CALD1: variants seen among roughly 807,000 people sequenced by gnomAD.
CALD1 encodes the protein caldesmon 1.
A neutral mutation model predicts 99.9 loss-of-function variants in CALD1; 33 were observed. The ratio of observed to expected loss-of-function variants is 0.33; its 90% CI spans 0.25 to 0.44. The LOEUF (loss-of-function observed/expected upper bound fraction) is 0.44, where lower values mean the gene tolerates loss of function less well. CALD1 is among the 20% of genes least tolerant of loss of function. CALD1 has a pLI of 1.00. For missense variants in CALD1, 861 were observed against 962.1 expected (o/e 0.89, Z 1.39); for synonymous variants, 310 against 325.0 (o/e 0.95, Z 0.50).
At chr7:134,724,061 G>T in the CALD1 span, among the ~76,000 whole-genome samples, 1 of 152,208 alleles carries the variant, frequency 6.6e-6, no homozygotes, top group Non-Finnish European at 1.5e-5. Flanking sequence ...TTGCTATGCG[G>T]CAGCAGGAGA....
chr7:134,925,234 G>A (rs1720244106), intron 3 of CALD1, among the ~76,000 whole-genome samples: 1 of 152,076 alleles, frequency 6.6e-6, no homozygotes. Flanking sequence ...AGAAATCAAA[G>A]ATGAAGAGAG....
At chr7:134,757,022 G>GT (rs1186789813) in intron 1 of CALD1, among the ~76,000 whole-genome samples, 3 of 151,874 alleles carry the variant, frequency 2.0e-5, no homozygotes, top group Non-Finnish European at 1.5e-5. Flanking sequence ...TGCTCTTGCT[G>GT]TTTTAAGGCA....
chr7:134,823,115 C>T (rs539787828), intron 1 of CALD1, among the ~76,000 whole-genome samples: 1 of 152,248 alleles, frequency 6.6e-6, no homozygotes, highest in Admixed American at 6.5e-5. Flanking sequence ...ATGTATGCCT[C>T]TATATGTACG....
At chr7:134,751,282 G>A (rs1796683626) in intron 1 of CALD1, among the ~76,000 whole-genome samples, 1 of 152,164 alleles carries the variant, frequency 6.6e-6, no homozygotes, top group Admixed American at 6.5e-5. Flanking sequence ...CTCAATCAAT[G>A]ACACCTATTA....
upstream of CALD1, among the ~76,000 whole-genome samples, chr7:134,774,969 C>G (rs1796905586): frequency 6.6e-6 from 1 of 152,100 alleles, no homozygotes; most frequent in South Asian, 2.1e-4. Context: ...TAACCATATC[C>G]TCAAATTTAT....
chr7:134,925,068 A>G (rs1280824512), intron 3 of CALD1, among the ~76,000 whole-genome samples: 1 of 152,184 alleles, frequency 6.6e-6, no homozygotes, highest in African/African-American at 2.4e-5. Context: ...GCAGTTCTTT[A>G]TAGCAGTGTG....
rs765090265 is a variant in CALD1 at position 134,933,966 on chromosome 7, G to T, written c.1197G>T (p.Met399Ile). Residue 399 changes from methionine (M) to isoleucine (I), a missense_variant, in exon 5 of 15, where the codon ATG becomes ATT. Met to Ile is a conservative substitution (Grantham distance 10). Coordinates refer to ENST00000361675, the MANE Select transcript of CALD1 (RefSeq NM_033138.4). ...NKQLEEKKHA[M>I]QETKIKGEKV... Reference sequence around the variant, plus strand: ...AGCTAGAAGAGAAAAAACATGCCATGCAAGAGACAAAGATAAAAGGGGAAA... The same window carrying T: ...AGCTAGAAGAGAAAAAACATGCCATTCAAGAGACAAAGATAAAAGGGGAAA... The T allele has an allele frequency of 2.5e-6, 4 of 1,614,064 alleles. No individual in the cohort carries two copies. In the Middle Eastern group the frequency reaches 4.9e-4, roughly 200 times the overall value.
intron 1 of CALD1, among the ~76,000 whole-genome samples, chr7:134,792,154 A>G (rs1797559794): frequency 6.6e-6 from 1 of 152,212 alleles, no homozygotes; most frequent in South Asian, 2.1e-4. Context: ...TCAAGGTGTC[A>G]GCAGGGTTGG....
At chr7:134,920,098 A>G (rs1804502986) in intron 3 of CALD1, among the ~76,000 whole-genome samples, 1 of 152,212 alleles carries the variant, frequency 6.6e-6, no homozygotes, top group African/African-American at 2.4e-5. Context: ...ACTTCTTTTA[A>G]CTTTCAAACA....
At chr7:134,742,538 C>A (rs1796600865), upstream of CALD1, among the ~76,000 whole-genome samples, 1 of 152,162 alleles carries the variant, frequency 6.6e-6, no homozygotes, top group Admixed American at 6.5e-5. Flanking sequence ...CTGGCAGGGG[C>A]TGGTTGGGGC....
chr7:134,954,739 C>T (rs1349792864), intron 9 of CALD1, among the ~76,000 whole-genome samples: 1 of 152,186 alleles, frequency 6.6e-6, no homozygotes, highest in Non-Finnish European at 1.5e-5. Context: ...TCTGCAGTGC[C>T]TCTATCCTCC....
intron 1 of CALD1, among the ~76,000 whole-genome samples, chr7:134,751,075 G>A (rs1050878013): frequency 6.6e-6 from 1 of 152,182 alleles, no homozygotes; most frequent in South Asian, 2.1e-4. Flanking sequence ...CACTGAGACA[G>A]TATGATATAG....
intron 14 of CALD1, 76 bp downstream of exon 14, chr7:134,965,462 G>T: frequency 1.3e-6 from 1 of 787,156 alleles, no homozygotes; most frequent in Non-Finnish European, 2.3e-6. Context: ...CCTGGAGTCA[G>T]ATGAGAAATA....
At chr7:134,913,946 A>G (rs73454255) in intron 3 of CALD1, among the ~76,000 whole-genome samples, 5,786 of 152,296 alleles carry the variant, frequency 0.038, 352 homozygotes, top group African/African-American at 0.13. Context: ...TGTAGAAAGA[A>G]AACAGGTATA....
intron 1 of CALD1, among the ~76,000 whole-genome samples, chr7:134,750,878 G>C (rs1263316407): frequency 6.6e-6 from 1 of 151,970 alleles, no homozygotes; most frequent in East Asian, 1.9e-4. Context: ...CAGTGTTTCT[G>C]TTTTTGGGTT....
chr7:134,902,240 A>C (rs1803054218), intron 3 of CALD1, among the ~76,000 whole-genome samples: 1 of 152,118 alleles, frequency 6.6e-6, no homozygotes, highest in African/African-American at 2.4e-5. Flanking sequence ...AACCCCACTG[A>C]GTGAAAGGCA....
At chr7:134,810,503 TG>T (rs1292605216) in intron 1 of CALD1, among the ~76,000 whole-genome samples, 1 of 152,198 alleles carries the variant, frequency 6.6e-6, no homozygotes, top group Non-Finnish European at 1.5e-5. Flanking sequence ...CCTAGCACCC[TG>T]GGACAAGAGT....
At chr7:134,766,146 T>C (rs1052938448) in intron 1 of CALD1, among the ~76,000 whole-genome samples, 21 of 122,146 alleles carry the variant, frequency 1.7e-4, no homozygotes, top group African/African-American at 2.8e-4. Flanking sequence ...CTTTTCTTTT[T>C]TTTTTTTTTT....
At chr7:134,913,214 C>T (rs188994720) in intron 3 of CALD1, among the ~76,000 whole-genome samples, 10 of 151,926 alleles carry the variant, frequency 6.6e-5, no homozygotes, top group African/African-American at 1.9e-4. Flanking sequence ...TGCAGTGAGC[C>T]GAGATTATGC....
Sources: allele counts gnomAD v4.1 joint callset (sites outside exome capture counted in the v4.1 genomes callset), GRCh38; gene constraint gnomAD v4.1.1; transcripts MANE v1.5; gene names NCBI Gene and HGNC (gene_info 2026-07-23, HGNC 2026-07-21).